Variants in UGT1A8 observed in about 807,000 individuals in gnomAD.
The protein encoded by UGT1A8 is UDP-glucuronosyltransferase 1A8.
Under a neutral mutation model 45.3 loss-of-function variants are expected in UGT1A8, and 39 were observed. The ratio of observed to expected loss-of-function variants is 0.86; its 90% CI spans 0.67 to 1.12. The LOEUF is 1.12. Ranked by LOEUF, UGT1A8 falls within the 50% of genes most tolerant of loss-of-function variation. The pLI is 0.00. For missense variants in UGT1A8, 719 were observed against 664.9 expected (o/e 1.08, Z -0.90); for synonymous variants, 275 against 249.2 (o/e 1.10, Z -0.97).
chr2:233,625,446 G>GAC (rs1553598422), intron 1 of UGT1A8, among the ~76,000 whole-genome samples: 14 of 151,914 alleles, frequency 9.2e-5, no homozygotes, highest in Non-Finnish European at 1.9e-4. Context: ...TACATTACTG[G>GAC]ATATATATAT....
At position 233,633,345 on chromosome 2, in the gene UGT1A8, C is replaced by T. The variant is rs560436192; in HGVS notation, c.855+14783C>T. ...CTCATAAAATGAGTTATGGAGGAGT[C>T]CCTCTTTTTCTATTGTTTGGAATAG... is the stretch of plus-strand genomic sequence containing the variant. On this transcript the variant is annotated intron_variant, in intron 1 of 4. Transcript: ENST00000373450. Among the ~76,000 whole-genome samples, 5 of 152,258 alleles carry T rather than the reference C, an allele frequency of 3.3e-5. 1 individual carries two copies. The South Asian group carries it at 1.0e-3, about 32-fold the overall frequency.
At chr2:233,692,067 G>A (rs2075076181) in intron 1 of UGT1A8, 1 of 150,926 alleles carries the variant, frequency 6.6e-6, no homozygotes, top group Admixed American at 6.6e-5. Flanking sequence ...GGGAAGAAAG[G>A]AGAGAGAGAT....
intron 1 of UGT1A8, chr2:233,708,761 C>T (rs7583278): frequency 0.42 from 63,889 of 151,386 alleles, 14,561 homozygotes; most frequent in African/African-American, 0.59. Context: ...ACTCCCCACC[C>T]CCCCCCAAAT....
rs753289474 is a variant in UGT1A8, at chr2:233,769,632, G to A, written c.1295+1193G>A. The A allele has an allele frequency of 1.9e-6, 3 of 1,611,424 alleles. No individual in the cohort carries two copies. The highest frequency in any genetic ancestry group is 2.5e-6 in the Non-Finnish European group (3 of 1,179,338). On this transcript the variant is annotated intron_variant, in intron 4 of 4. Coordinates refer to ENST00000373450, the MANE Select transcript of UGT1A8 (RefSeq NM_019076.5). The surrounding 1 kb of genome is among the most constrained non-coding windows in gnomAD (Gnocchi z 4.4). ...CACCAGCTTGAGCAAGGGACAACAGGGGAGGACTGATGACTGACTTCCCAC... is the reference window on the plus strand; with the variant it reads ...CACCAGCTTGAGCAAGGGACAACAGAGGAGGACTGATGACTGACTTCCCAC...
In UGT1A8 at chr2:233,769,637, G is replaced by T; in HGVS notation, c.1295+1198G>T. On this transcript the variant is annotated intron_variant, in intron 4 of 4. Transcript: ENST00000373450. The surrounding 1 kb of genome is among the most constrained non-coding windows in gnomAD (Gnocchi z 4.4). ...GCTTGAGCAAGGGACAACAGGGGAG[G>T]ACTGATGACTGACTTCCCACCTTTG... is the stretch of plus-strand genomic sequence containing the variant. The T allele has an allele frequency of 1.2e-6, 2 of 1,610,100 alleles. No homozygotes were observed. The highest frequency in any genetic ancestry group is 2.2e-5 in the South Asian group (2 of 90,570).
Position 233,683,554 on chromosome 2 carries a change from T to G in UGT1A8, c.855+64992T>G, listed in dbSNP as rs574328995. Among the ~76,000 whole-genome samples the G allele has an allele frequency of 2.2e-3, 331 of 152,320 alleles. 2 individuals are homozygous for G. The highest frequency in any genetic ancestry group is 7.6e-3 in the African/African-American group (318 of 41,574). On this transcript the variant is annotated intron_variant, in intron 1 of 4. Transcript: ENST00000373450. Reference sequence around the variant, plus strand: ...TTTCACTAAATGAGTGAGATTGGCCTTCTTTTGCTATTACATCTTCCTACT... The same window carrying G: ...TTTCACTAAATGAGTGAGATTGGCCGTCTTTTGCTATTACATCTTCCTACT...
chr2:233,648,151 T>A (rs1184378461), intron 1 of UGT1A8: 38 of 1,220,266 alleles, frequency 3.1e-5, no homozygotes, highest in Non-Finnish European at 4.3e-5. Flanking sequence ...ACGACGCTTA[T>A]TTTCTCTATT....
At chr2:233,625,297 T>A in intron 1 of UGT1A8, among the ~76,000 whole-genome samples, 1 of 152,106 alleles carries the variant, frequency 6.6e-6, no homozygotes, top group East Asian at 1.9e-4. Context: ...CAATAGATGC[T>A]TGTGAAGCTG....
chr2:233,679,344 CT>C (rs2074449555), intron 1 of UGT1A8, among the ~76,000 whole-genome samples: 1 of 152,168 alleles, frequency 6.6e-6, no homozygotes, highest in African/African-American at 2.4e-5. Context: ...TTGAGTCCTT[CT>C]TTTTGTACAA....
chr2:233,689,816 C>G (rs1484884597), intron 1 of UGT1A8: 2 of 441,390 alleles, frequency 4.5e-6, no homozygotes, highest in Non-Finnish European at 9.0e-6. Flanking sequence ...GGAAACCAAA[C>G]ATCTCTGGAC....
chr2:233,749,875 A>C (rs747231604), intron 1 of UGT1A8, among the ~76,000 whole-genome samples: 2 of 151,930 alleles, frequency 1.3e-5, no homozygotes, highest in Non-Finnish European at 2.9e-5. Context: ...CAGGATTATA[A>C]GTTTCCTGAG....
At chr2:233,771,921 C>T (rs1320163418) in intron 4 of UGT1A8, among the ~76,000 whole-genome samples, 1 of 151,966 alleles carries the variant, frequency 6.6e-6, no homozygotes, top group East Asian at 1.9e-4. Context: ...AGTAACACAG[C>T]CTGGGCAACA....
intron 1 of UGT1A8, chr2:233,636,800 T>C (rs747743442): frequency 6.2e-7 from 1 of 1,614,242 alleles, no homozygotes; most frequent in East Asian, 2.2e-5. Flanking sequence ...TTCATGGTTT[T>C]CGCCCATGCT....
intron 1 of UGT1A8, chr2:233,692,273 C>T (rs1455446026): frequency 6.6e-6 from 1 of 152,386 alleles, no homozygotes; most frequent in African/African-American, 2.4e-5. Flanking sequence ...GTACTTTTTC[C>T]TCTGGCTATT....
At chr2:233,719,800 G>A (rs528409094) in intron 1 of UGT1A8, 47 of 1,602,562 alleles carry the variant, frequency 2.9e-5, no homozygotes, top group South Asian at 6.7e-5. Flanking sequence ...TTTTATTTTG[G>A]CTTCTTTATA....
chr2:233,640,518 C>T (rs1296143777), intron 1 of UGT1A8, among the ~76,000 whole-genome samples: 1 of 152,140 alleles, frequency 6.6e-6, no homozygotes, highest in African/African-American at 2.4e-5. Flanking sequence ...TTGCCTCATA[C>T]AACATCTTTT....
At chr2:233,724,137 G>C (rs1240134584) in intron 1 of UGT1A8, among the ~76,000 whole-genome samples, 1 of 114,506 alleles carries the variant, frequency 8.7e-6, no homozygotes, top group Non-Finnish European at 1.8e-5. Context: ...CCTCCCGGAC[G>C]GGGCGGCTGG....
chr2:233,759,341 G>A (rs1697111060), intron 1 of UGT1A8, among the ~76,000 whole-genome samples: 1 of 152,134 alleles, frequency 6.6e-6, no homozygotes, highest in Non-Finnish European at 1.5e-5. Context: ...GTTCAGGTGA[G>A]CGCTGAAAAT....
chr2:233,693,611 A>G (rs1423413232), intron 1 of UGT1A8: 20 of 1,614,080 alleles, frequency 1.2e-5, no homozygotes, highest in Non-Finnish European at 1.4e-5. Flanking sequence ...TTCAGACCAC[A>G]TGACTTTTTC....
Sources: allele counts gnomAD v4.1 joint callset (sites outside exome capture counted in the v4.1 genomes callset), GRCh38; gene constraint gnomAD v4.1.1; non-coding constraint Gnocchi (gnomAD v3.1); transcripts MANE v1.5; gene names NCBI Gene and HGNC (gene_info 2026-07-23, HGNC 2026-07-21).